The following FLVCR1 variants were observed in gnomAD, a reference collection of about 807,000 sequenced individuals.
The protein encoded by FLVCR1 is FLVCR choline and heme transporter 1.
Under a neutral mutation model 53.6 loss-of-function variants are expected in FLVCR1, and 34 were observed. The ratio of observed to expected loss-of-function variants is 0.63; its 90% CI spans 0.48 to 0.84. The LOEUF is 0.84. Among genes scored for constraint, FLVCR1 ranks in the 40% least tolerant of loss-of-function variants. The pLI is 0.00. For synonymous variants in FLVCR1, 300 were observed against 286.3 expected, an observed-to-expected ratio of 1.05 and a Z score of -0.48; for missense variants, 677 against 696.7, an observed-to-expected ratio of 0.97 and a Z score of 0.32.
intron 2 of FLVCR1, among the ~76,000 whole-genome samples, chr1:212,867,469 T>G (rs528387095): frequency 6.6e-6 from 1 of 152,358 alleles, no homozygotes; most frequent in South Asian, 2.1e-4. Flanking sequence ...AAATCTAATT[T>G]GTCCAAGGTT....
rs529179457 is a variant in FLVCR1 at position 212,869,629 on chromosome 1, C to T, written c.884-3049C>T. Among the ~76,000 whole-genome samples the T allele has an allele frequency of 4.6e-5, 7 of 152,286 alleles. No individual in the cohort carries two copies. The South Asian group carries it at 1.0e-3, about 23-fold the overall frequency. On this transcript the variant is annotated intron_variant, in intron 2 of 9. Coordinates refer to ENST00000366971, the MANE Select transcript of FLVCR1 (RefSeq NM_014053.4). ...TGCGACCTTGGCTCACAGCAACCTC[C>T]GCCTCCTGGGTTCAAGTGATTCTCC... is the stretch of plus-strand genomic sequence containing the variant.
At chr1:212,864,301 A>T in intron 2 of FLVCR1, 1 of 259,032 alleles carries the variant, frequency 3.9e-6, no homozygotes. Flanking sequence ...TTAACAATTA[A>T]CTGGATCTGA....
rs75937070 is a variant in FLVCR1, at chr1:212,873,362, C to T, written c.1024+544C>T. ...AAAGTAGTTCTCAAATACAGAAACT[C>T]GGTCTTCTTTTGTGAGTTCTCATGG... On this transcript the variant is annotated intron_variant, in intron 3 of 9. Transcript: ENST00000366971. 2.2e-4 allele frequency among the ~76,000 whole-genome samples: 33 copies of T among 152,026 alleles called. 1 individual carries two copies. The East Asian group carries it at 5.4e-3, about 25-fold the overall frequency.
chr1:212,886,674 C>T (rs938709319), intron 5 of FLVCR1, among the ~76,000 whole-genome samples: 10 of 151,980 alleles, frequency 6.6e-5, no homozygotes, highest in African/African-American at 2.4e-4. Flanking sequence ...GTGGTGGGCA[C>T]CTGTAATCCC....
chr1:212,884,484 A>G (rs938494773), intron 4 of FLVCR1, among the ~76,000 whole-genome samples: 3 of 152,208 alleles, frequency 2.0e-5, no homozygotes, highest in Non-Finnish European at 4.4e-5. Context: ...GTTTATTTTT[A>G]GGAAATAATA....
chr1:212,884,071 G>T, intron 4 of FLVCR1, among the ~76,000 whole-genome samples: 1 of 152,090 alleles, frequency 6.6e-6, no homozygotes, highest in South Asian at 2.1e-4. Context: ...ACTTTGGAAG[G>T]CCGAGGCGGG....
Position 212,898,444 on chromosome 1 carries a change from G to A in FLVCR1, c.*3154G>A, listed in dbSNP as rs1305544144. 1 of 152,112 alleles carries A rather than the reference G, an allele frequency of 6.6e-6. No homozygotes were observed. Among genetic ancestry groups the A allele is most frequent in the Non-Finnish European group, 1.5e-5 (1 of 68,010 alleles). The allele number at this position is 152,112 out of a possible 1,614,324, so 9.4% of individuals were successfully genotyped here. A position where few individuals can be genotyped will look rare whatever the true frequency, so the allele number is the denominator to read the frequency against. On this transcript the variant is annotated 3_prime_UTR_variant, in exon 10 of 10. Transcript: ENST00000366971. Reference sequence around the variant, plus strand: ...ATGTTTTTATTTTTAAACTATCAATGTTGTTTAAAATAATCATGTACTTGT... The same window carrying A: ...ATGTTTTTATTTTTAAACTATCAATATTGTTTAAAATAATCATGTACTTGT...
At chr1:212,860,350 G>GTTTTTTTGTTTTTTTTTTTTTTTTTTT (rs1664186676) in intron 1 of FLVCR1, among the ~76,000 whole-genome samples, 3 of 85,824 alleles carry the variant, frequency 3.5e-5, no homozygotes, top group Non-Finnish European at 7.3e-5. Flanking sequence ...TGTGTGTGTG[G>GTTTTTTTGTTTTTTTTTTTTTTTTTTT]TTTTTTTTTT....
rs1558105024 is a variant in FLVCR1 at position 212,858,942 on chromosome 1, G to T, written c.490G>T (p.Ala164Ser). Residue 164 changes from alanine to serine, a missense_variant, in exon 1 of 10, where the codon GCC (alanine) becomes TCC (serine). Physicochemically the swap from Ala to Ser is moderately conservative, Grantham distance 99 (BLOSUM62 1). Transcript: ENST00000366971. ...MLAYVPLIFP[A>S]TWLLDTRGLR... is the part of the protein sequence containing the mutation. ...GGCCTACGTGCCCCTCATCTTCCCGGCCACCTGGCTGCTGGACACCAGAGG... is the reference window on the plus strand; with the variant it reads ...GGCCTACGTGCCCCTCATCTTCCCGTCCACCTGGCTGCTGGACACCAGAGG... 1.2e-6 allele frequency: 2 copies of T among 1,614,060 alleles called. No individual in the cohort carries two copies. Among genetic ancestry groups the T allele is most frequent in the African/African-American group, 2.7e-5 (2 of 74,942 alleles).
At chr1:212,872,629 T>C (rs1664632575) in intron 2 of FLVCR1, 49 bp from the exon 3 acceptor site, 1 of 1,170,528 alleles carries the variant, frequency 8.5e-7, no homozygotes, top group Non-Finnish European at 1.2e-6. Context: ...TATAACAACA[T>C]ATTGTATATA....
chr1:212,884,562 T>C (rs1237886228), intron 4 of FLVCR1, among the ~76,000 whole-genome samples: 1 of 152,148 alleles, frequency 6.6e-6, no homozygotes, highest in Non-Finnish European at 1.5e-5. Context: ...TAAATAAATA[T>C]CAAGTTTTGA....
At chr1:212,878,943 TGTGCCAC>T (rs1664846176) in intron 3 of FLVCR1, among the ~76,000 whole-genome samples, 1 of 152,012 alleles carries the variant, frequency 6.6e-6, no homozygotes, top group Non-Finnish European at 1.5e-5. Context: ...GAGCTGTGTT[TGTGCCAC>T]TGTACTGCAG....
chr1:212,884,024 A>G (rs1330961280), intron 4 of FLVCR1, among the ~76,000 whole-genome samples: 1 of 152,168 alleles, frequency 6.6e-6, no homozygotes, highest in African/African-American at 2.4e-5. Flanking sequence ...AGCACATAGT[A>G]TGGCCAGGCA....
intron 1 of FLVCR1, among the ~76,000 whole-genome samples, chr1:212,862,222 G>C (rs971290700): frequency 7.2e-5 from 11 of 152,100 alleles, no homozygotes; most frequent in African/African-American, 2.7e-4. Flanking sequence ...ATTCAGTGGC[G>C]TTTAGTACAT....
At chr1:212,877,435 G>A (rs1664786075) in intron 3 of FLVCR1, among the ~76,000 whole-genome samples, 1 of 151,920 alleles carries the variant, frequency 6.6e-6, no homozygotes, top group African/African-American at 2.4e-5. Context: ...GGATGGTCTC[G>A]ATGTCCTGAC....
chr1:212,897,535 CAG>C lies in FLVCR1; in HGVS notation c.*2247_*2248del, dbSNP rs1396623282. The C allele has an allele frequency of 6.6e-6, 1 of 152,264 alleles. No individual in the cohort carries two copies. Among genetic ancestry groups the C allele is most frequent in the Non-Finnish European group, 1.5e-5 (1 of 68,126 alleles). 9.4% of individuals were successfully genotyped at this position (152,264 alleles called of 1,614,324 possible). A position where few individuals can be genotyped will look rare whatever the true frequency, so the allele number is the denominator to read the frequency against. On this transcript the variant is annotated 3_prime_UTR_variant, in exon 10 of 10. Coordinates refer to ENST00000366971, the MANE Select transcript of FLVCR1 (RefSeq NM_014053.4). ...AGACTCTGTTTCAGGAAAAAAAGAA[CAG>C]AAATACCTGAGACTGGGTAATTTAT...
chr1:212,873,352 T>C (rs1664662533), intron 3 of FLVCR1, among the ~76,000 whole-genome samples: 1 of 151,664 alleles, frequency 6.6e-6, no homozygotes, highest in Admixed American at 6.6e-5. Context: ...AGTTCTCAAA[T>C]ACAGAAACTC....
rs1572027708 is a variant in FLVCR1 at position 212,889,184 on chromosome 1, C to T, written c.1452C>T (p.Leu484=). Reference sequence around the variant, plus strand: ...TGTTCACATTGGCTCAAGGAAAGCTCACATCAGACTATGGTCCTAAGGCAG... The same window carrying T: ...TGTTCACATTGGCTCAAGGAAAGCTTACATCAGACTATGGTCCTAAGGCAG... ...GILFTLAQGK[L]TSDYGPKAGN... Residue 484 remains leucine, a synonymous_variant, in exon 8 of 10, where the codon CTC becomes CTT. Coordinates refer to ENST00000366971, the MANE Select transcript of FLVCR1 (RefSeq NM_014053.4). 11 of 1,613,718 alleles carry T rather than the reference C, an allele frequency of 6.8e-6. No individual in the cohort carries two copies. The highest frequency in any genetic ancestry group is 2.2e-5 in the East Asian group (1 of 44,862).
intron 7 of FLVCR1, 60 bp from the exon 8 acceptor site, chr1:212,889,086 T>C: frequency 8.1e-7 from 1 of 1,236,900 alleles, no homozygotes; most frequent in Non-Finnish European, 1.2e-6. Flanking sequence ...TGGTGAAAAC[T>C]TTATACTTGC....
Sources: gnomAD v4.1 joint callset for allele counts (sites outside exome capture counted in the v4.1 genomes callset) on GRCh38, gnomAD v4.1.1 for gene constraint, MANE v1.5 for transcripts, NCBI Gene and HGNC (gene_info 2026-07-23, HGNC 2026-07-21) for gene names.